The following CYP7B1 variants were observed in gnomAD, a reference collection of about 807,000 sequenced individuals.
CYP7B1 encodes cytochrome P450 7B1.
Under a neutral mutation model 42.7 loss-of-function variants are expected in CYP7B1, and 29 were observed. That is an observed-to-expected ratio of 0.68 (90% CI 0.51 to 0.93). CYP7B1 has a LOEUF of 0.93. Among genes scored for constraint, CYP7B1 ranks in the 40% least tolerant of loss-of-function variants. The pLI is 0.00. For missense variants in CYP7B1, 655 were observed against 600.5 expected (o/e 1.09, Z -0.95); for synonymous variants, 235 against 218.2 (o/e 1.08, Z -0.68).
intron 1 of CYP7B1, among the ~76,000 whole-genome samples, chr8:64,694,716 A>T (rs1208549397): frequency 6.6e-6 from 1 of 152,186 alleles, no homozygotes; most frequent in Admixed American, 6.5e-5. Flanking sequence ...GGAAGTATTG[A>T]TCCAAAAAAA....
At chr8:64,736,671 G>A (rs375414706) in intron 1 of CYP7B1, among the ~76,000 whole-genome samples, 99 of 151,846 alleles carry the variant, frequency 6.5e-4, no homozygotes, top group Admixed American at 8.5e-4. Flanking sequence ...GGCTGGTCTC[G>A]AACTCCTGAC....
chr8:64,791,196 G>A (rs1217580942), intron 1 of CYP7B1, among the ~76,000 whole-genome samples: 1 of 151,978 alleles, frequency 6.6e-6, no homozygotes, highest in Non-Finnish European at 1.5e-5. Flanking sequence ...CTCAGTTTGT[G>A]TGTGGTATTT....
intron 1 of CYP7B1, among the ~76,000 whole-genome samples, chr8:64,675,650 TA>T (rs1239925279): frequency 6.6e-6 from 1 of 152,062 alleles, no homozygotes; most frequent in Non-Finnish European, 1.5e-5. Flanking sequence ...GAAGAAGTAT[TA>T]AAAATCCACT....
intron 1 of CYP7B1, among the ~76,000 whole-genome samples, chr8:64,675,572 A>G: frequency 6.6e-6 from 1 of 151,686 alleles, no homozygotes; most frequent in East Asian, 1.9e-4. Context: ...AATTTTAAAA[A>G]CCAAAATATT....
At chr8:64,658,800 C>T (rs1806159364) in intron 1 of CYP7B1, among the ~76,000 whole-genome samples, 1 of 152,194 alleles carries the variant, frequency 6.6e-6, no homozygotes, top group Non-Finnish European at 1.5e-5. Flanking sequence ...ATAAAATTCA[C>T]ACCTGACTTC....
intron 1 of CYP7B1, 95 bp downstream of exon 1, chr8:64,798,371 T>C (rs1804740761): frequency 7.1e-7 from 1 of 1,400,834 alleles, no homozygotes; most frequent in South Asian, 1.6e-5. Context: ...CTGTCTGCAC[T>C]GGAAATCATG....
At chr8:64,697,035 A>C (rs144959546) in intron 1 of CYP7B1, among the ~76,000 whole-genome samples, 1 of 152,326 alleles carries the variant, frequency 6.6e-6, no homozygotes, top group African/African-American at 2.4e-5. Context: ...AGCCAAAGTT[A>C]AATCACACAG....
At chr8:64,650,714 G>A (rs1806026108) in intron 1 of CYP7B1, among the ~76,000 whole-genome samples, 1 of 152,124 alleles carries the variant, frequency 6.6e-6, no homozygotes, top group Admixed American at 6.5e-5. Context: ...ATATAAGCCT[G>A]GCAAAGATTT....
At chr8:64,754,971 C>T (rs1372213411) in intron 1 of CYP7B1, among the ~76,000 whole-genome samples, 4 of 152,078 alleles carry the variant, frequency 2.6e-5, no homozygotes, top group African/African-American at 7.2e-5. Flanking sequence ...TTCAAGGAGA[C>T]CAAGAAGTGG....
rs537296267 is a variant in CYP7B1, at chr8:64,785,176, T to C, written c.122+13290A>G. ...ATAAGTATCACTTCACACCTATTAG[T>C]ATGGCTAAAATCCAAAACACTGACA... is the stretch of plus-strand genomic sequence containing the variant. On this transcript the variant is annotated intron_variant, in intron 1 of 5. Coordinates refer to ENST00000310193, the MANE Select transcript of CYP7B1 (RefSeq NM_004820.5). Among the ~76,000 whole-genome samples the C allele has an allele frequency of 2.8e-4, 42 of 152,322 alleles. 1 individual carries two copies. In the South Asian group the frequency reaches 7.9e-3, roughly 29 times the overall value.
intron 1 of CYP7B1, among the ~76,000 whole-genome samples, chr8:64,700,140 A>T (rs6472147): frequency 0.44 from 67,638 of 152,056 alleles, 16,302 homozygotes; most frequent in Middle Eastern, 0.51. Context: ...ACACACATCA[A>T]GCACACATGT....
At chr8:64,668,773 T>C (rs1177500231) in intron 1 of CYP7B1, among the ~76,000 whole-genome samples, 1 of 150,518 alleles carries the variant, frequency 6.6e-6, no homozygotes, top group East Asian at 1.9e-4. Context: ...CTTTATAAAC[T>C]GCCAAACCTG....
At chr8:64,711,249 C>T (rs1348543618) in intron 1 of CYP7B1, among the ~76,000 whole-genome samples, 4 of 152,176 alleles carry the variant, frequency 2.6e-5, no homozygotes, top group Admixed American at 1.3e-4. Flanking sequence ...GTTGCTACAA[C>T]TTCTAGACTA....
At chr8:64,792,887 T>C (rs1361143023) in intron 1 of CYP7B1, among the ~76,000 whole-genome samples, 2 of 152,188 alleles carry the variant, frequency 1.3e-5, no homozygotes, top group South Asian at 2.1e-4. Flanking sequence ...AGGATGGACA[T>C]GAATTTTGGG....
At chr8:64,787,144 C>T (rs1008394186) in intron 1 of CYP7B1, among the ~76,000 whole-genome samples, 19 of 152,258 alleles carry the variant, frequency 1.2e-4, no homozygotes, top group South Asian at 2.1e-4. Context: ...AGGTCTCCAA[C>T]GCCCTGCAGA....
intron 5 of CYP7B1, among the ~76,000 whole-genome samples, chr8:64,598,869 G>T (rs1805156941): frequency 6.6e-6 from 1 of 152,176 alleles, no homozygotes; most frequent in Non-Finnish European, 1.5e-5. Context: ...AATGGAAATG[G>T]CCACTGTCTT....
chr8:64,790,224 A>G (rs73688017), intron 1 of CYP7B1, among the ~76,000 whole-genome samples: 125 of 152,290 alleles, frequency 8.2e-4, no homozygotes, highest in African/African-American at 2.8e-3. Context: ...CTAATTTCCA[A>G]TGTTTGATCT....
intron 1 of CYP7B1, among the ~76,000 whole-genome samples, chr8:64,728,318 A>G (rs2129633015): frequency 6.6e-6 from 1 of 152,328 alleles, no homozygotes; most frequent in Middle Eastern, 3.4e-3. Flanking sequence ...ACAAGGTAAA[A>G]GCACATTTTA....
At position 64,764,520 on chromosome 8, in the gene CYP7B1, A is replaced by C. The variant is rs557722632; in HGVS notation, c.122+33946T>G. Reference sequence around the variant, plus strand: ...GGTAAATTTAAAACCTATAATTGATAATTGAAGGCCTTCTCCGTGACCCTG... The same window carrying C: ...GGTAAATTTAAAACCTATAATTGATCATTGAAGGCCTTCTCCGTGACCCTG... On this transcript the variant is annotated intron_variant, in intron 1 of 5. Coordinates refer to ENST00000310193, the MANE Select transcript of CYP7B1 (RefSeq NM_004820.5). Among the ~76,000 whole-genome samples, 32 of 152,208 alleles carry C rather than the reference A, an allele frequency of 2.1e-4. 1 individual carries two copies. The South Asian group carries it at 2.3e-3, about 11-fold the overall frequency.
Sources: allele counts gnomAD v4.1 joint callset (sites outside exome capture counted in the v4.1 genomes callset), GRCh38; gene constraint gnomAD v4.1.1; transcripts MANE v1.5; gene names NCBI Gene and HGNC (gene_info 2026-07-23, HGNC 2026-07-21).